FANCE: variants seen among roughly 807,000 people sequenced by gnomAD.
The protein encoded by FANCE is Fanconi anemia group E protein.
Under a neutral mutation model 57.8 loss-of-function variants are expected in FANCE, and 42 were observed. The ratio of observed to expected loss-of-function variants is 0.73; its 90% CI spans 0.57 to 0.94. The LOEUF is 0.94. Among genes scored for constraint, FANCE ranks in the 40% least tolerant of loss-of-function variants. FANCE has a pLI of 0.00. For missense variants in FANCE, 608 were observed against 661.8 expected (o/e 0.92, Z 0.89); for synonymous variants, 251 against 286.4 (o/e 0.88, Z 1.25).
Position 35,458,361 on chromosome 6 carries a change from G to A in FANCE, c.1034G>A (p.Cys345Tyr), listed in dbSNP as rs1007410805. ...QLSDLGLLRL[C>Y]TWLLALSPDL... ...TCAGACCTCGGTCTCCTGCGGCTCTGCACCTGGCTGCTGGCCCTTTCACCT... is the reference window on the plus strand; with the variant it reads ...TCAGACCTCGGTCTCCTGCGGCTCTACACCTGGCTGCTGGCCCTTTCACCT... The change falls in exon 5 of 10, where the codon TGC (cysteine) becomes TAC (tyrosine). Residue 345 changes from cysteine to tyrosine, a missense_variant. Cys to Tyr is a radical substitution (Grantham distance 194). Transcript: ENST00000229769. The A allele has an allele frequency of 6.2e-7, 1 of 1,614,060 alleles. No individual in the cohort carries two copies. The highest frequency in any genetic ancestry group is 1.3e-5 in the African/African-American group (1 of 74,920).
At chr6:35,453,250 T>C (rs755757084) in intron 1 of FANCE, among the ~76,000 whole-genome samples, 10 of 152,226 alleles carry the variant, frequency 6.6e-5, no homozygotes, top group Non-Finnish European at 1.3e-4. Context: ...TCTCTAAGAA[T>C]GGTAACTGTG....
Position 35,466,609 on chromosome 6 carries a change from G to C in FANCE, c.*264G>C, listed in dbSNP as rs1207469730. On this transcript the variant is annotated 3_prime_UTR_variant, in exon 10 of 10. Coordinates refer to ENST00000229769, the MANE Select transcript of FANCE (RefSeq NM_021922.3). ...AGAGAAGGTATTGCTCTGTCATCCA[G>C]GCTGGAGTGCAGTGATGCGATTGAT... is the stretch of plus-strand genomic sequence containing the variant. The C allele has an allele frequency of 2.1e-6, 1 of 478,504 alleles. No homozygotes were observed. Among genetic ancestry groups the C allele is most frequent in the Non-Finnish European group, 3.9e-6 (1 of 259,452 alleles). 29.6% of individuals were successfully genotyped at this position (478,504 alleles called of 1,614,324 possible). A position where few individuals can be genotyped will look rare whatever the true frequency, so the allele number is the denominator to read the frequency against.
At chr6:35,466,161 C>T in intron 9 of FANCE, 83 bp from the exon 10 acceptor site, 1 of 866,886 alleles carries the variant, frequency 1.2e-6, no homozygotes, top group Non-Finnish European at 2.0e-6. Context: ...GGCCTCCTCT[C>T]TCCTCAATAG....
At position 35,455,664 on chromosome 6, in the gene FANCE, C is replaced by G; in HGVS notation, c.249-83C>G. Reference sequence around the variant, plus strand: ...GTGCCAGCCCCCATCTGTCCACCGCCATCTAGCCCCCAGCTCTGCCCAGTC... The same window carrying G: ...GTGCCAGCCCCCATCTGTCCACCGCGATCTAGCCCCCAGCTCTGCCCAGTC... On this transcript the variant is annotated intron_variant, in intron 1 of 9. Transcript: ENST00000229769. 1.6e-5 allele frequency: 25 copies of G among 1,551,380 alleles called. 1 individual carries two copies. Among genetic ancestry groups the G allele is most frequent in the East Asian group, 2.2e-5 (1 of 44,622 alleles).
At chr6:35,459,639 G>A (rs2150897022) in intron 6 of FANCE, 43 bp from the exon 7 acceptor site, 1 of 1,601,610 alleles carries the variant, frequency 6.2e-7, no homozygotes, top group East Asian at 2.2e-5. Flanking sequence ...GCTGTCTTCT[G>A]CCATTTCCCC....
intron 1 of FANCE, among the ~76,000 whole-genome samples, chr6:35,453,119 G>A (rs899594894): frequency 6.6e-6 from 1 of 152,188 alleles, no homozygotes; most frequent in Non-Finnish European, 1.5e-5. Flanking sequence ...GTTAAAATAC[G>A]TACATTTTAA....
chr6:35,461,510 T>C (rs1359928590), intron 8 of FANCE, among the ~76,000 whole-genome samples: 1 of 152,182 alleles, frequency 6.6e-6, no homozygotes, highest in Non-Finnish European at 1.5e-5. Flanking sequence ...CCCTCCTACT[T>C]TTTTGGAAAT....
rs1292360112 is a variant in FANCE at position 35,452,907 on chromosome 6, T to TGAGCAGGGGCACCCTTC, written c.248+115_248+131dup. 15 of 1,110,878 alleles carry TGAGCAGGGGCACCCTTC rather than the reference T, an allele frequency of 1.4e-5. No homozygotes were observed. In the East Asian group the frequency reaches 4.9e-4, roughly 36 times the overall value. 68.8% of individuals were successfully genotyped at this position (1,110,878 alleles called of 1,614,324 possible). A position where few individuals can be genotyped will look rare whatever the true frequency, so the allele number is the denominator to read the frequency against. ...CAGCGACGGCCTGCCGCGCACCCTA[T>TGAGCAGGGGCACCCTTC]GAGCAGGGGCACCCTTCACTGAGCA... On this transcript the variant is annotated intron_variant, in intron 1 of 9. Coordinates refer to ENST00000229769, the MANE Select transcript of FANCE (RefSeq NM_021922.3).
At chr6:35,455,055 AGCCATAGGGCT>A (rs1207910486) in intron 1 of FANCE, among the ~76,000 whole-genome samples, 4 of 152,220 alleles carry the variant, frequency 2.6e-5, no homozygotes, top group African/African-American at 4.8e-5. Context: ...TGCCGAGGGC[AGCCATAGGGCT>A]GCAAGACTAA....
At chr6:35,458,269 CCT>C (rs1166032999) in intron 4 of FANCE, 26 bp from the exon 5 acceptor site, 1 of 1,612,232 alleles carries the variant, frequency 6.2e-7, no homozygotes, top group South Asian at 1.1e-5. Context: ...GTCCCGGTGT[CCT>C]CTCTCCCCCC....
intron 5 of FANCE, 84 bp downstream of exon 5, chr6:35,458,524 G>C: frequency 6.5e-7 from 1 of 1,530,496 alleles, no homozygotes; most frequent in Non-Finnish European, 9.0e-7. Flanking sequence ...CTTGAGAGAG[G>C]GGATTCCCAG....
In FANCE at chr6:35,458,389, T is replaced by C. The variant is rs377505032; in HGVS notation, c.1062T>C (p.Asp354=). 6.2e-5 allele frequency: 100 copies of C among 1,614,078 alleles called. No homozygotes were observed. Among genetic ancestry groups the C allele is most frequent in the Middle Eastern group, 1.6e-4 (1 of 6,084 alleles). ...LCTWLLALSP[D]LSLSNATVLT... ...CCTGGCTGCTGGCCCTTTCACCTGA[T>C]CTCAGCCTCAGCAATGCTACTGTGC... Residue 354 remains aspartate, a synonymous_variant, in exon 5 of 10, where the codon GAT becomes GAC. Coordinates refer to ENST00000229769, the MANE Select transcript of FANCE (RefSeq NM_021922.3).
chr6:35,456,127 G>A lies in FANCE; in HGVS notation c.629G>A (p.Ser210Asn). 6.2e-7 allele frequency: 1 copy of A among 1,614,054 alleles called. No homozygotes were observed. The highest frequency in any genetic ancestry group is 1.3e-5 in the African/African-American group (1 of 75,030). The change falls in exon 2 of 10, where the codon AGT becomes AAT. Residue 210 changes from serine (S) to asparagine (N), a missense_variant. Coordinates refer to ENST00000229769, the MANE Select transcript of FANCE (RefSeq NM_021922.3). The surrounding 1 kb of genome is among the most constrained non-coding windows in gnomAD (Gnocchi z 4.3). Reference protein sequence around the residue: ...RRKDSEEEAASPEGKRVPKRL... With the variant: ...RRKDSEEEAANPEGKRVPKRL... ...AAGGACTCAGAGGAAGAGGCTGCCA[G>A]TCCTGAGGGGAAGAGGGTCCCCAAA...
At chr6:35,461,627 A>T (rs1345026742) in intron 8 of FANCE, among the ~76,000 whole-genome samples, 1 of 149,054 alleles carries the variant, frequency 6.7e-6, no homozygotes, top group Non-Finnish European at 1.5e-5. Context: ...ATTTGTTTAT[A>T]TCTTAGATAA....
At chr6:35,454,124 CG>C (rs1189454694) in intron 1 of FANCE, among the ~76,000 whole-genome samples, 1 of 151,354 alleles carries the variant, frequency 6.6e-6, no homozygotes, top group Non-Finnish European at 1.5e-5. Flanking sequence ...AGTGCAGTGG[CG>C]CAATCTTGGC....
intron 1 of FANCE, among the ~76,000 whole-genome samples, chr6:35,454,446 T>A (rs890067491): frequency 1.3e-5 from 2 of 152,338 alleles, no homozygotes; most frequent in Non-Finnish European, 1.5e-5. Flanking sequence ...TCTTTTTTTT[T>A]CTGCCTCACA....
In FANCE at chr6:35,455,839, T is replaced by TC; in HGVS notation, c.343dup (p.Leu115ProfsTer14). ...CGGCCATCGCTGCCGGAAAGTGGGC[T>TC]CCTCTCTGTGCTGCAGATTGCCCAG... On this transcript the variant is annotated frameshift_variant, in exon 2 of 10. Coordinates refer to ENST00000229769, the MANE Select transcript of FANCE (RefSeq NM_021922.3). LOFTEE classifies it high-confidence loss of function. The TC allele has an allele frequency of 6.2e-7, 1 of 1,614,184 alleles. No individual in the cohort carries two copies. Among genetic ancestry groups the TC allele is most frequent in the Non-Finnish European group, 8.5e-7 (1 of 1,180,024 alleles).
rs759034838 is a variant in FANCE, at chr6:35,455,814, C to G, written c.316C>G (p.Arg106Gly). The change falls in exon 2 of 10, where the codon CGG (arginine) becomes GGG (glycine). Residue 106 changes from arginine (R) to glycine (G), a missense_variant. Arg to Gly is a moderately radical substitution (Grantham distance 125, BLOSUM62 -2). Coordinates refer to ENST00000229769, the MANE Select transcript of FANCE (RefSeq NM_021922.3). Reference protein sequence around the residue: ...RNLMSLLMAVRPSLPESGLLS... With the variant: ...RNLMSLLMAVGPSLPESGLLS... The stretch of plus-strand genomic sequence containing the variant: ...CCTGATGTCCCTGCTGATGGCCGTT[C>G]GGCCATCGCTGCCGGAAAGTGGGCT... The G allele has an allele frequency of 6.2e-7, 1 of 1,614,176 alleles. No homozygotes were observed. The highest frequency in any genetic ancestry group is 8.5e-7 in the Non-Finnish European group (1 of 1,180,028).
At chr6:35,453,029 T>G (rs1370450215) in intron 1 of FANCE, among the ~76,000 whole-genome samples, 1 of 152,238 alleles carries the variant, frequency 6.6e-6, no homozygotes, top group Admixed American at 6.5e-5. Context: ...CAAATCACTT[T>G]TGATCGCGTA....
Sources: gnomAD v4.1 joint callset for allele counts (sites outside exome capture counted in the v4.1 genomes callset) on GRCh38, gnomAD v4.1.1 for gene constraint, Gnocchi (gnomAD v3.1) non-coding constraint, MANE v1.5 for transcripts, NCBI Gene and HGNC (gene_info 2026-07-23, HGNC 2026-07-21) for gene names.